Variants in SPON1 observed in about 807,000 individuals in gnomAD.
SPON1 encodes spondin 1, also known as spondin-1.
In SPON1, 52 loss-of-function variants were observed where a neutral mutation model predicts 111.7. The observed-to-expected ratio is 0.47, with a 90% confidence interval of 0.37 to 0.59. The LOEUF (loss-of-function observed/expected upper bound fraction) is 0.59, where lower values mean the gene tolerates loss of function less well. Ranked by LOEUF, SPON1 falls within the 20% of genes least tolerant of loss-of-function variation. The probability of loss-of-function intolerance (pLI) is 0.00; values close to 1 mark genes in which losing one functional copy is unlikely to be tolerated. For synonymous variants in SPON1, 410 were observed against 395.8 expected (o/e 1.04, Z -0.43); for missense variants, 957 against 1,068.5 (o/e 0.90, Z 1.46).
chr11:13,988,246 T>G, intron 2 of SPON1, among the ~76,000 whole-genome samples: 1 of 152,202 alleles, frequency 6.6e-6, no homozygotes, highest in East Asian at 1.9e-4. Context: ...TGGTTTGTAG[T>G]TCTCCTTGAA....
chr11:14,265,404 T>A (rs1291250937), intron 15 of SPON1, 120 bp from the exon 16 acceptor site: 20 of 1,166,144 alleles, frequency 1.7e-5, no homozygotes, highest in Middle Eastern at 5.9e-4. Flanking sequence ...CTCTAACCAA[T>A]CATTACATAC....
intron 3 of SPON1, among the ~76,000 whole-genome samples, chr11:14,058,892 C>G (rs113758996): frequency 3.5e-4 from 54 of 152,342 alleles, no homozygotes; most frequent in African/African-American, 1.2e-3. Context: ...GAACCCTGGA[C>G]AGTCTAACTG....
chr11:14,264,042 A>G (rs1310150765), intron 15 of SPON1, among the ~76,000 whole-genome samples: 11 of 151,924 alleles, frequency 7.2e-5, no homozygotes, highest in Admixed American at 4.6e-4. Context: ...ATTAAAAAAA[A>G]AAAAAAAGAA....
intron 6 of SPON1, among the ~76,000 whole-genome samples, chr11:14,212,158 A>G: frequency 6.6e-6 from 1 of 151,530 alleles, no homozygotes; most frequent in Admixed American, 6.6e-5. Flanking sequence ...CTTCCTTAAG[A>G]TCAAATTTGT....
rs1847729081 is a variant in SPON1, at chr11:14,147,074, G to A, written c.825+11506G>A. 2.4e-5 allele frequency among the ~76,000 whole-genome samples: 3 copies of A among 126,292 alleles called. No individual in the cohort carries two copies. In the Admixed American group the frequency reaches 3.0e-4, roughly 12 times the overall value. 82.9% of individuals were successfully genotyped at this position (126,292 alleles called of 152,430 possible). A position where few individuals can be genotyped will look rare whatever the true frequency, so the allele number is the denominator to read the frequency against. ...AGACGGAGTCTTGCTCTGTTGCCCA[G>A]GCTGGAGTGCAGTGGTGCGATCTTG... On this transcript the variant is annotated intron_variant, in intron 6 of 15. Coordinates refer to ENST00000576479, the MANE Select transcript of SPON1 (RefSeq NM_006108.4).
chr11:14,196,305 G>C (rs1230511720), intron 6 of SPON1, among the ~76,000 whole-genome samples: 1 of 152,138 alleles, frequency 6.6e-6, no homozygotes, highest in Non-Finnish European at 1.5e-5. Context: ...TGGTTGCCTA[G>C]GCTTGTGGAT....
rs1274907839 is a variant in SPON1 at position 14,265,569 on chromosome 11, T to G, written c.2306T>G (p.Leu769Arg). 2.5e-6 allele frequency: 4 copies of G among 1,613,590 alleles called. No individual in the cohort carries two copies. The highest frequency in any genetic ancestry group is 1.6e-4 in the Middle Eastern group (1 of 6,084). Residue 769 changes from leucine (L) to arginine (R), a missense_variant, in exon 16 of 16, where the codon CTG becomes CGG. Transcript: ENST00000576479. ...PWTAWSECTKLCGGGIQERYM... is the reference protein window; with the variant it reads ...PWTAWSECTKRCGGGIQERYM... ...ACGGCCTGGTCAGAATGCACCAAACTGTGCGGAGGTGGAATTCAGGAACGT... is the reference window on the plus strand; with the variant it reads ...ACGGCCTGGTCAGAATGCACCAAACGGTGCGGAGGTGGAATTCAGGAACGT...
intron 6 of SPON1, among the ~76,000 whole-genome samples, chr11:14,195,090 A>G (rs1436696242): frequency 1.3e-5 from 2 of 152,230 alleles, no homozygotes; most frequent in Non-Finnish European, 2.9e-5. Flanking sequence ...CCCTTACCAC[A>G]TGTAATTACT....
At chr11:14,236,197 T>C (rs1400388674) in intron 6 of SPON1, among the ~76,000 whole-genome samples, 1 of 152,090 alleles carries the variant, frequency 6.6e-6, no homozygotes, top group East Asian at 1.9e-4. Flanking sequence ...ACTGCACTCA[T>C]CTAGCTGAGC....
At chr11:14,183,258 A>G (rs1289441789) in intron 6 of SPON1, among the ~76,000 whole-genome samples, 2 of 152,124 alleles carry the variant, frequency 1.3e-5, no homozygotes, top group Admixed American at 6.6e-5. Flanking sequence ...GTTGAATTCA[A>G]TTTTGGAGAC....
chr11:14,099,807 G>C (rs1443055605), intron 5 of SPON1, among the ~76,000 whole-genome samples: 1 of 152,088 alleles, frequency 6.6e-6, no homozygotes. Context: ...TTCTGGTGAG[G>C]GCCTCAGGAG....
intron 5 of SPON1, among the ~76,000 whole-genome samples, chr11:14,125,797 G>A (rs1335574034): frequency 1.3e-5 from 2 of 152,124 alleles, no homozygotes; most frequent in East Asian, 1.9e-4. Flanking sequence ...GATTTATAAG[G>A]ATGTGGCTAA....
At chr11:13,988,160 T>G (rs1021714478) in intron 2 of SPON1, among the ~76,000 whole-genome samples, 1 of 152,130 alleles carries the variant, frequency 6.6e-6, no homozygotes, top group Non-Finnish European at 1.5e-5. Flanking sequence ...GCCATTTTCA[T>G]GATATTGATT....
intron 6 of SPON1, among the ~76,000 whole-genome samples, chr11:14,223,287 C>G (rs1848700904): frequency 6.6e-6 from 1 of 152,108 alleles, no homozygotes; most frequent in South Asian, 2.1e-4. Flanking sequence ...TTGCTTAAAC[C>G]CAGAAGGCGG....
At chr11:14,058,406 C>T (rs1848763758) in intron 3 of SPON1, among the ~76,000 whole-genome samples, 1 of 152,100 alleles carries the variant, frequency 6.6e-6, no homozygotes, top group African/African-American at 2.4e-5. Context: ...GTGAAAGGGC[C>T]TCCCCGAGAG....
intron 7 of SPON1, among the ~76,000 whole-genome samples, chr11:14,246,210 G>A (rs542270808): frequency 1.3e-5 from 2 of 152,256 alleles, no homozygotes; most frequent in African/African-American, 2.4e-5. Flanking sequence ...GCAAATCAAA[G>A]CACATTCAGG....
chr11:14,030,901 C>T (rs1208723734), intron 2 of SPON1, among the ~76,000 whole-genome samples: 1 of 152,210 alleles, frequency 6.6e-6, no homozygotes, highest in African/African-American at 2.4e-5. Context: ...AAGACATAAG[C>T]ACTCATATGT....
chr11:14,157,974 T>G (rs1028453013), intron 6 of SPON1, among the ~76,000 whole-genome samples: 11 of 152,190 alleles, frequency 7.2e-5, no homozygotes, highest in Non-Finnish European at 1.0e-4. Flanking sequence ...CTAGATCATT[T>G]GTAGGTCTAT....
At chr11:13,973,199 A>G (rs1433103385) in intron 1 of SPON1, among the ~76,000 whole-genome samples, 2 of 152,234 alleles carry the variant, frequency 1.3e-5, no homozygotes, top group Admixed American at 1.3e-4. Flanking sequence ...ATCCCAGGGA[A>G]GATTGTGATT....
Sources: allele counts gnomAD v4.1 joint callset (sites outside exome capture counted in the v4.1 genomes callset), GRCh38; gene constraint gnomAD v4.1.1; transcripts MANE v1.5; gene names NCBI Gene and HGNC (gene_info 2026-07-23, HGNC 2026-07-21).